Variants in BCAS3 observed in about 807,000 individuals in gnomAD.
BCAS3 encodes BCAS3 microtubule associated cell migration factor.
A neutral mutation model predicts 116.1 loss-of-function variants in BCAS3; 53 were observed. The ratio of observed to expected loss-of-function variants is 0.46; its 90% CI spans 0.37 to 0.57. The LOEUF is 0.57. Ranked by LOEUF, BCAS3 falls within the 20% of genes least tolerant of loss-of-function variation. BCAS3 has a pLI of 0.00. For missense variants in BCAS3, 917 were observed against 1,165.4 expected (o/e 0.79, Z 3.10); for synonymous variants, 391 against 408.2 (o/e 0.96, Z 0.51).
At chr17:61,289,358 C>A (rs921045606) in intron 22 of BCAS3, among the ~76,000 whole-genome samples, 1 of 152,160 alleles carries the variant, frequency 6.6e-6, no homozygotes, top group Non-Finnish European at 1.5e-5. Flanking sequence ...TTTTGCTCTT[C>A]GCTTGTAATT....
chr17:61,312,939 C>T (rs747702288), intron 22 of BCAS3, among the ~76,000 whole-genome samples: 34 of 152,210 alleles, frequency 2.2e-4, no homozygotes, highest in Non-Finnish European at 2.9e-4. Flanking sequence ...TTTGAGCATC[C>T]ACCTCACTCA....
chr17:60,851,921 A>G (rs1390275735), intron 7 of BCAS3, among the ~76,000 whole-genome samples: 2 of 152,156 alleles, frequency 1.3e-5, no homozygotes, highest in East Asian at 3.8e-4. Context: ...TTAAGAGGTG[A>G]AATCATTTGC....
chr17:60,827,050 T>A (rs911058571), intron 7 of BCAS3, among the ~76,000 whole-genome samples: 1 of 152,232 alleles, frequency 6.6e-6, no homozygotes, highest in African/African-American at 2.4e-5. Flanking sequence ...AATCCATGGA[T>A]GAAAATATAG....
chr17:60,988,081 G>T (rs2063264756), intron 14 of BCAS3, among the ~76,000 whole-genome samples: 1 of 151,826 alleles, frequency 6.6e-6, no homozygotes, highest in African/African-American at 2.4e-5. Flanking sequence ...CAGTTGAAAT[G>T]ATTATATGGT....
chr17:61,165,230 G>A (rs540005360), intron 22 of BCAS3, among the ~76,000 whole-genome samples: 2 of 152,298 alleles, frequency 1.3e-5, no homozygotes, highest in East Asian at 3.9e-4. Flanking sequence ...CCCAAAAGGA[G>A]CCTTGGGATC....
rs974641666 is a variant in BCAS3, at chr17:61,349,392, T to C, written c.2426-18935T>C. Reference sequence around the variant, plus strand: ...CCATGTCATGAATCCCTCAGATGTGTGGGATGGAAATGCTAACCCACTGAC... The same window carrying C: ...CCATGTCATGAATCCCTCAGATGTGCGGGATGGAAATGCTAACCCACTGAC... On this transcript the variant is annotated intron_variant, in intron 22 of 23. Transcript: ENST00000407086. The surrounding 1 kb of genome is among the most constrained non-coding windows in gnomAD (Gnocchi z 4.7). Among the ~76,000 whole-genome samples, 23 of 152,128 alleles carry C rather than the reference T, an allele frequency of 1.5e-4. No individual in the cohort carries two copies. The highest frequency in any genetic ancestry group is 5.3e-4 in the African/African-American group (22 of 41,432).
intron 5 of BCAS3, among the ~76,000 whole-genome samples, chr17:60,715,132 CTTTTTTTTTT>C (rs200488032): frequency 1.6e-5 from 2 of 125,414 alleles, no homozygotes; most frequent in Non-Finnish European, 3.2e-5. Flanking sequence ...CTTTCTCTTT[CTTTTTTTTTT>C]TTTTTTTTTG....
At chr17:60,730,459 G>T (rs1436423888) in intron 5 of BCAS3, among the ~76,000 whole-genome samples, 1 of 152,122 alleles carries the variant, frequency 6.6e-6, no homozygotes, top group East Asian at 1.9e-4. Context: ...ATGCATTTTA[G>T]GCGATTTTTA....
rs2058451725 is a variant in BCAS3, at chr17:61,361,540, T to G, written c.2426-6787T>G. On this transcript the variant is annotated intron_variant, in intron 22 of 23. Coordinates refer to ENST00000407086, the MANE Select transcript of BCAS3 (RefSeq NM_017679.5). This position sits in a 1 kb window ranked among gnomAD's most constrained non-coding sequence, Gnocchi z 6.5. ...GGCTCATATAATTGGCCATCAGATG[T>G]GTCCACAGGTATAATATATAATATA... 6.6e-6 allele frequency: 1 copy of G among 152,052 alleles called. No individual in the cohort carries two copies. The highest frequency in any genetic ancestry group is 1.5e-5 in the Non-Finnish European group (1 of 67,972). The allele number at this position is 152,052 out of a possible 1,614,324, so 9.4% of individuals were successfully genotyped here. A position where few individuals can be genotyped will look rare whatever the true frequency, so the allele number is the denominator to read the frequency against.
chr17:61,033,090 T>C (rs983216577), intron 16 of BCAS3, among the ~76,000 whole-genome samples: 1 of 152,196 alleles, frequency 6.6e-6, no homozygotes, highest in African/African-American at 2.4e-5. Flanking sequence ...AAAGTCTGAA[T>C]TTTTTGAAGA....
At position 61,089,509 on chromosome 17, in the gene BCAS3, C is replaced by CTTTTTTTTTTTTTTTTT. The variant is rs71370187; in HGVS notation, c.2425+4967_2425+4983dup. On this transcript the variant is annotated intron_variant, in intron 22 of 23. Transcript: ENST00000407086. ...TTTTTCTTCGAGACGGAGTTTCACT[C>CTTTTTTTTTTTTTTTTT]TTTTTTTTTTTTTTTTTTTTTTTTT... 1.1e-4 allele frequency among the ~76,000 whole-genome samples: 3 copies of CTTTTTTTTTTTTTTTTT among 26,750 alleles called. 1 individual carries two copies. Among genetic ancestry groups the CTTTTTTTTTTTTTTTTT allele is most frequent in the African/African-American group, 5.0e-4 (3 of 6,048 alleles). 17.5% of individuals were successfully genotyped at this position (26,750 alleles called of 152,430 possible). A position where few individuals can be genotyped will look rare whatever the true frequency, so the allele number is the denominator to read the frequency against.
At chr17:61,375,944 C>T (rs1415756922) in intron 23 of BCAS3, among the ~76,000 whole-genome samples, 6 of 152,278 alleles carry the variant, frequency 3.9e-5, no homozygotes, top group East Asian at 1.9e-4. Context: ...TATCAGTATT[C>T]GCTACAGAAA....
At chr17:61,197,818 G>A (rs1246583903) in intron 22 of BCAS3, among the ~76,000 whole-genome samples, 1 of 152,178 alleles carries the variant, frequency 6.6e-6, no homozygotes, top group Non-Finnish European at 1.5e-5. Context: ...ATTGTATAAA[G>A]TAAATTTCCC....
At chr17:61,274,489 A>G (rs2050607868) in intron 22 of BCAS3, among the ~76,000 whole-genome samples, 1 of 151,918 alleles carries the variant, frequency 6.6e-6, no homozygotes, top group Non-Finnish European at 1.5e-5. Context: ...GGGTTTCACC[A>G]TGTTGGCCAG....
chr17:60,823,694 C>T (rs2050147958), intron 7 of BCAS3, among the ~76,000 whole-genome samples: 1 of 152,156 alleles, frequency 6.6e-6, no homozygotes, highest in Admixed American at 6.5e-5. Flanking sequence ...GAAGTTTCGT[C>T]ATCTCCAAAA....
At chr17:60,722,654 T>C (rs1471857167) in intron 5 of BCAS3, among the ~76,000 whole-genome samples, 1 of 150,956 alleles carries the variant, frequency 6.6e-6, no homozygotes, top group Non-Finnish European at 1.5e-5. Context: ...CCAGCTATTT[T>C]GGAGGCTGAG....
intron 22 of BCAS3, among the ~76,000 whole-genome samples, chr17:61,277,962 A>G (rs958855670): frequency 6.6e-6 from 1 of 152,240 alleles, no homozygotes; most frequent in Non-Finnish European, 1.5e-5. Flanking sequence ...GAGTTACCCT[A>G]TTATCCAACA....
At chr17:60,794,792 T>G (rs2047069797) in intron 6 of BCAS3, among the ~76,000 whole-genome samples, 1 of 152,214 alleles carries the variant, frequency 6.6e-6, no homozygotes, top group Non-Finnish European at 1.5e-5. Flanking sequence ...ACCACACTGT[T>G]TTGGTGACTA....
Position 61,220,296 on chromosome 17 carries a change from A to AAAACAAAC in BCAS3, c.2425+135736_2425+135743dup, listed in dbSNP as rs113520863. Among the ~76,000 whole-genome samples, 151,238 of 151,816 alleles carry AAAACAAAC rather than the reference A, an allele frequency of 1. 75,333 individuals carry two copies. Among genetic ancestry groups the AAAACAAAC allele is most frequent in the South Asian group, 1 (4,786 of 4,786 alleles). ...GCAACAGAGTGAGACTCCATCTCAA[A>AAAACAAAC]AAACAAACAAAAAACAAAAAAACTG... On this transcript the variant is annotated intron_variant, in intron 22 of 23. Transcript: ENST00000407086. The surrounding 1 kb of genome is among the most constrained non-coding windows in gnomAD (Gnocchi z 4.5).
Sources: gnomAD v4.1 joint callset for allele counts (sites outside exome capture counted in the v4.1 genomes callset) on GRCh38, gnomAD v4.1.1 for gene constraint, Gnocchi (gnomAD v3.1) non-coding constraint, MANE v1.5 for transcripts, NCBI Gene and HGNC (gene_info 2026-07-23, HGNC 2026-07-21) for gene names.